TTLL11: variants seen among roughly 807,000 people sequenced by gnomAD.
TTLL11 encodes the protein tubulin polyglutamylase TTLL11.
In TTLL11, 42 loss-of-function variants were observed where a neutral mutation model predicts 51.7. That is an observed-to-expected ratio of 0.81 (90% CI 0.64 to 1.05). The LOEUF is 1.05. Among genes scored for constraint, TTLL11 ranks in the 50% least tolerant of loss-of-function variants. The pLI, the probability that TTLL11 is intolerant of heterozygous loss-of-function variation, is 0.00. For missense variants in TTLL11, 799 were observed against 940.4 expected (o/e 0.85, Z 1.97); for synonymous variants, 381 against 383.5 (o/e 0.99, Z 0.08).
chr9:121,904,184 T>G (rs1339400826), intron 6 of TTLL11, among the ~76,000 whole-genome samples: 1 of 151,948 alleles, frequency 6.6e-6, no homozygotes, highest in Non-Finnish European at 1.5e-5. Context: ...ACATTCTTTT[T>G]TTTTTTTTTT....
Position 122,083,868 on chromosome 9 carries a change from C to T in TTLL11, c.462+8819G>A, listed in dbSNP as rs369046001. 1.1e-3 allele frequency among the ~76,000 whole-genome samples: 173 copies of T among 151,988 alleles called. 1 individual carries two copies. Among genetic ancestry groups the T allele is most frequent in the African/African-American group, 4.0e-3 (166 of 41,416 alleles). ...TCAAATTGGGATTCTGGTGTCACCT[C>T]TCAGAAGTGGAATTAGAGGGGAGGA... On this transcript the variant is annotated intron_variant, in intron 1 of 8. Transcript: ENST00000321582.
chr9:121,832,608 T>C (rs1837052886), intron 8 of TTLL11, among the ~76,000 whole-genome samples: 1 of 152,156 alleles, frequency 6.6e-6, no homozygotes, highest in Admixed American at 6.5e-5. Flanking sequence ...CCAACCACCA[T>C]GCTCTTAAGT....
intron 8 of TTLL11, among the ~76,000 whole-genome samples, chr9:121,843,666 T>G (rs1023261411): frequency 1.2e-4 from 19 of 152,266 alleles, no homozygotes; most frequent in African/African-American, 4.3e-4. Context: ...TATTTACTTA[T>G]TTTTTGTTAT....
chr9:122,068,539 C>A (rs567029948), intron 1 of TTLL11, among the ~76,000 whole-genome samples: 1 of 152,276 alleles, frequency 6.6e-6, no homozygotes, highest in South Asian at 2.1e-4. Context: ...TATCTCTCAA[C>A]CCTCCTCTAA....
intron 1 of TTLL11, among the ~76,000 whole-genome samples, chr9:122,040,048 T>C (rs1237782836): frequency 6.6e-6 from 1 of 152,166 alleles, no homozygotes; most frequent in East Asian, 1.9e-4. Flanking sequence ...AGATTCTCTC[T>C]TCCAGGAATC....
At chr9:121,877,048 TG>T (rs374932286) in intron 6 of TTLL11, among the ~76,000 whole-genome samples, 4 of 152,228 alleles carry the variant, frequency 2.6e-5, no homozygotes, top group African/African-American at 9.6e-5. Flanking sequence ...GAGAACACCC[TG>T]GATCACGTTC....
intron 7 of TTLL11, 150 bp from the exon 8 acceptor site, chr9:121,860,593 G>A (rs947940068): frequency 6.1e-6 from 4 of 658,256 alleles, no homozygotes; most frequent in East Asian, 2.8e-5. Flanking sequence ...TAGGAGGTGG[G>A]GCCTCTGACA....
chr9:121,917,245 G>C (rs1840357796), intron 6 of TTLL11, among the ~76,000 whole-genome samples: 1 of 151,938 alleles, frequency 6.6e-6, no homozygotes, highest in African/African-American at 2.4e-5. Context: ...GAGGTAAGAG[G>C]ATTGCTTGAG....
intron 8 of TTLL11, among the ~76,000 whole-genome samples, chr9:121,840,088 C>T (rs7039955): frequency 0.061 from 8,999 of 147,458 alleles, 726 homozygotes; most frequent in African/African-American, 0.19. Flanking sequence ...ACTGGAGCTG[C>T]ATCGAATCAC....
intron 6 of TTLL11, among the ~76,000 whole-genome samples, chr9:121,878,691 G>T (rs543503857): frequency 6.6e-6 from 1 of 152,186 alleles, no homozygotes; most frequent in Non-Finnish European, 1.5e-5. Flanking sequence ...CTCATTTTAC[G>T]GATGAAGGAG....
chr9:121,878,025 A>G (rs1424203190), intron 6 of TTLL11, among the ~76,000 whole-genome samples: 1 of 152,226 alleles, frequency 6.6e-6, no homozygotes, highest in East Asian at 1.9e-4. Flanking sequence ...AGTGAGCTTC[A>G]GAGAGGTTAA....
chr9:121,998,851 G>A, intron 3 of TTLL11, among the ~76,000 whole-genome samples: 1 of 152,128 alleles, frequency 6.6e-6, no homozygotes, highest in South Asian at 2.1e-4. Context: ...TGTTGCCCAG[G>A]CTAGTCTCGA....
chr9:121,846,887 A>G (rs1037688925), intron 8 of TTLL11, among the ~76,000 whole-genome samples: 1 of 152,196 alleles, frequency 6.6e-6, no homozygotes, highest in Non-Finnish European at 1.5e-5. Flanking sequence ...AATTTAATCC[A>G]AAACAAACAG....
chr9:121,907,905 T>C (rs1049992795), intron 6 of TTLL11, among the ~76,000 whole-genome samples: 1 of 152,318 alleles, frequency 6.6e-6, no homozygotes, highest in East Asian at 1.9e-4. Context: ...CTAAAAAGTT[T>C]TGGAGTGACA....
intron 1 of TTLL11, among the ~76,000 whole-genome samples, chr9:122,065,917 C>T (rs547735142): frequency 1.8e-4 from 27 of 152,142 alleles, no homozygotes; most frequent in African/African-American, 2.9e-4. Context: ...TAAAAAGAGA[C>T]ACTCACAGGC....
intron 3 of TTLL11, among the ~76,000 whole-genome samples, chr9:122,030,660 G>A (rs1287848906): frequency 6.6e-6 from 1 of 151,852 alleles, no homozygotes; most frequent in East Asian, 1.9e-4. Flanking sequence ...GGTGGCTCAT[G>A]CCTATAATCG....
In TTLL11 at chr9:121,989,402, G is replaced by A. The variant is rs149219458; in HGVS notation, c.1062C>T (p.Phe354=). 1.2e-6 allele frequency: 2 copies of A among 1,614,218 alleles called. No individual in the cohort carries two copies. Among genetic ancestry groups the A allele is most frequent in the Non-Finnish European group, 1.7e-6 (2 of 1,180,050 alleles). The part of the protein sequence containing the change: ...NYSLNIHSGN[F]IHSDSASTGS... ...CAGTGCTAGCACTGTCCGAGTGGATGAAGTTGCCGCTGTGGATGTTCAGTG... is the reference window on the plus strand; with the variant it reads ...CAGTGCTAGCACTGTCCGAGTGGATAAAGTTGCCGCTGTGGATGTTCAGTG... The change falls in exon 4 of 9, where the codon TTC becomes TTT. Residue 354 remains phenylalanine (F), a synonymous_variant. Coordinates refer to ENST00000321582, the MANE Select transcript of TTLL11 (RefSeq NM_001139442.2). This position sits in a 1 kb window ranked among gnomAD's most constrained non-coding sequence, Gnocchi z 4.2.
intron 3 of TTLL11, among the ~76,000 whole-genome samples, chr9:122,031,255 G>A (rs1423738976): frequency 1.3e-5 from 2 of 152,182 alleles, no homozygotes; most frequent in Non-Finnish European, 2.9e-5. Flanking sequence ...ATTGATTCTG[G>A]AACAAGTTTA....
chr9:122,088,969 A>G (rs1846193621), intron 1 of TTLL11, among the ~76,000 whole-genome samples: 1 of 150,384 alleles, frequency 6.6e-6, no homozygotes, highest in Non-Finnish European at 1.5e-5. Context: ...GTGAGCCAAG[A>G]TAGCACCACT....
Sources: gnomAD v4.1 joint callset for allele counts (sites outside exome capture counted in the v4.1 genomes callset) on GRCh38, gnomAD v4.1.1 for gene constraint, Gnocchi (gnomAD v3.1) non-coding constraint, MANE v1.5 for transcripts, NCBI Gene and HGNC (gene_info 2026-07-23, HGNC 2026-07-21) for gene names.